FGF13: variants seen among roughly 807,000 people sequenced by gnomAD.
The protein encoded by FGF13 is fibroblast growth factor 13, also known as fibroblast growth factor homologous factor 2.
Under a neutral mutation model 19.5 loss-of-function variants are expected in FGF13, and 2 were observed. The ratio of observed to expected loss-of-function variants is 0.10; its 90% CI spans 0.04 to 0.32. The LOEUF (loss-of-function observed/expected upper bound fraction) is 0.32, where lower values mean the gene tolerates loss of function less well. FGF13 is among the 10% of genes least tolerant of loss of function. The probability of loss-of-function intolerance (pLI) is 1.00; values close to 1 mark genes in which losing one functional copy is unlikely to be tolerated. For synonymous variants in FGF13, 72 were observed against 76.9 expected, an observed-to-expected ratio of 0.94 and a Z score of 0.33; for missense variants, 113 against 192.7, an observed-to-expected ratio of 0.59 and a Z score of 2.45.
intron 1 of FGF13, among the ~76,000 whole-genome samples, chrX:139,197,986 C>A (rs1207332331): frequency 1.1e-5 from 1 of 87,077 alleles, no homozygotes; most frequent in Non-Finnish European, 2.2e-5. Flanking sequence ...AGATTGAGAC[C>A]CTACCTCAAA....
At chrX:139,017,352 T>TAC (rs756188106) in intron 1 of FGF13, among the ~76,000 whole-genome samples, 70 of 107,412 alleles carry the variant, frequency 6.5e-4, no homozygotes, top group African/African-American at 1.9e-3. Context: ...TATATATATA[T>TAC]ACACACACAC....
At chrX:139,179,085 A>G (rs1394079340) in intron 1 of FGF13, among the ~76,000 whole-genome samples, 2 of 112,257 alleles carry the variant, frequency 1.8e-5, no homozygotes, top group East Asian at 5.6e-4. Context: ...AACACAAGTG[A>G]CTTTTTAACA....
intron 3 of FGF13, among the ~76,000 whole-genome samples, chrX:138,846,533 C>T (rs774221525): frequency 1.8e-5 from 2 of 111,982 alleles, no homozygotes; most frequent in Non-Finnish European, 3.8e-5. Flanking sequence ...AAAAGGATGC[C>T]ACCTCTCTCA....
chrX:139,025,503 C>T (rs1245956745), intron 1 of FGF13, among the ~76,000 whole-genome samples: 1 of 111,454 alleles, frequency 9.0e-6, no homozygotes, highest in Non-Finnish European at 1.9e-5. Context: ...TGGGGTCTCT[C>T]ATCCAGTTGA....
chrX:138,824,678 ACTAAAT>A (rs2091022049), intron 3 of FGF13, among the ~76,000 whole-genome samples: 10 of 111,458 alleles, frequency 9.0e-5, no homozygotes, highest in Admixed American at 4.8e-4. Flanking sequence ...GCCAAATTTT[ACTAAAT>A]TTTGCCTATA....
At chrX:138,973,725 CCT>C (rs771641696) in intron 1 of FGF13, among the ~76,000 whole-genome samples, 8 of 111,764 alleles carry the variant, frequency 7.2e-5, no homozygotes, top group Non-Finnish European at 1.3e-4. Context: ...TCTGTATTCC[CCT>C]TTATCATTAT....
intron 3 of FGF13, among the ~76,000 whole-genome samples, chrX:138,812,520 G>A: frequency 9.0e-6 from 1 of 110,865 alleles, no homozygotes. Context: ...ATCTGTTAAT[G>A]TCTCACTATG....
rs190931578 is a variant in FGF13 at position 138,952,413 on chromosome X, T to C, written c.-112-87763A>G. ...AACTGGATCCCTTCCTTACACCTTA[T>C]ACAAAAATTAATTCAAGATGGATTA... On this transcript the variant is annotated intron_variant, in intron 1 of 2. Transcript: ENST00000421460. Among the ~76,000 whole-genome samples the C allele has an allele frequency of 6.3e-3, 708 of 112,003 alleles. 11 individuals are homozygous for C. Among genetic ancestry groups the C allele is most frequent in the African/African-American group, 0.022 (669 of 30,838 alleles).
chrX:139,026,255 C>T (rs1032722528), intron 1 of FGF13, among the ~76,000 whole-genome samples: 2 of 110,626 alleles, frequency 1.8e-5, no homozygotes, highest in Non-Finnish European at 3.8e-5. Context: ...TTAACGTTAA[C>T]ATATTTCTCC....
chrX:138,847,463 G>A (rs778781314), intron 3 of FGF13, among the ~76,000 whole-genome samples: 11 of 111,692 alleles, frequency 9.8e-5, no homozygotes, highest in African/African-American at 3.6e-4. Flanking sequence ...TCTTAAAATA[G>A]CTAGGGCTCA....
At chrX:138,781,393 A>C (rs1175598973) in intron 3 of FGF13, among the ~76,000 whole-genome samples, 2 of 110,830 alleles carry the variant, frequency 1.8e-5, no homozygotes, top group Non-Finnish European at 3.8e-5. Context: ...TTTTTTGAAA[A>C]GATCAACAAA....
chrX:138,987,548 T>C (rs639188), intron 1 of FGF13, among the ~76,000 whole-genome samples: 5,968 of 112,146 alleles, frequency 0.053, 147 homozygotes, highest in East Asian at 0.13. Flanking sequence ...CTGATGTTCA[T>C]TTTGTTGAAT....
intron 1 of FGF13, among the ~76,000 whole-genome samples, chrX:138,960,739 T>C (rs2091865185): frequency 8.9e-6 from 1 of 111,827 alleles, no homozygotes; most frequent in Admixed American, 9.5e-5. Flanking sequence ...ACTTCTCTTC[T>C]CACTTCATTT....
chrX:139,015,236 A>T (rs1173389610), intron 1 of FGF13, among the ~76,000 whole-genome samples: 1 of 111,437 alleles, frequency 9.0e-6, no homozygotes, highest in Non-Finnish European at 1.9e-5. Context: ...CGAGAGAAAG[A>T]AATAAAGGGC....
At chrX:138,848,013 C>T (rs1436635247) in intron 3 of FGF13, among the ~76,000 whole-genome samples, 1 of 112,033 alleles carries the variant, frequency 8.9e-6, no homozygotes, top group Non-Finnish European at 1.9e-5. Flanking sequence ...TGTTTAAGTA[C>T]AGTCTGAGAA....
chrX:138,717,454 A>G (rs1312685659), intron 1 of FGF13, among the ~76,000 whole-genome samples: 1 of 110,924 alleles, frequency 9.0e-6, no homozygotes, highest in Non-Finnish European at 1.9e-5. Flanking sequence ...CATTAAGACT[A>G]TCATTCTGTC....
chrX:138,663,026 C>G (rs2089504467), intron 3 of FGF13, among the ~76,000 whole-genome samples: 1 of 111,295 alleles, frequency 9.0e-6, no homozygotes, highest in Non-Finnish European at 1.9e-5. Context: ...TCCCCCTCCA[C>G]CCTCAAAGTC....
intron 1 of FGF13, among the ~76,000 whole-genome samples, chrX:139,162,047 C>T (rs5974800): frequency 0.12 from 12,875 of 111,701 alleles, 1,197 homozygotes; most frequent in African/African-American, 0.32. Context: ...GAAAAAACTA[C>T]TTTAAATTTC....
chrX:139,068,998 C>G (rs1309328635), intron 1 of FGF13, among the ~76,000 whole-genome samples: 3 of 107,595 alleles, frequency 2.8e-5, no homozygotes, highest in African/African-American at 1.0e-4. Context: ...AATAGGAACA[C>G]TTTTACACTG....
Sources: gnomAD v4.1 joint callset for allele counts (sites outside exome capture counted in the v4.1 genomes callset) on GRCh38, gnomAD v4.1.1 for gene constraint, MANE v1.5 for transcripts, NCBI Gene and HGNC (gene_info 2026-07-23, HGNC 2026-07-21) for gene names.